The following FAM184B variants were observed in gnomAD, a reference collection of about 807,000 sequenced individuals.
The protein encoded by FAM184B is family with sequence similarity 184 member B.
Under a neutral mutation model 135.9 loss-of-function variants are expected in FAM184B, and 111 were observed. That is an observed-to-expected ratio of 0.82 (90% CI 0.70 to 0.96). The LOEUF is 0.96. Among genes scored for constraint, FAM184B ranks in the 40% least tolerant of loss-of-function variants. FAM184B has a pLI of 0.00. For missense variants in FAM184B, 1,375 were observed against 1,323.9 expected, an observed-to-expected ratio of 1.04 and a Z score of -0.60; for synonymous variants, 552 against 524.8, an observed-to-expected ratio of 1.05 and a Z score of -0.71.
chr4:17,639,281 G>T lies in FAM184B; in HGVS notation c.2635C>A (p.Leu879Ile). The change falls in exon 14 of 18, where the codon CTC (leucine) becomes ATC (isoleucine). Residue 879 changes from leucine to isoleucine, a missense_variant. Physicochemically the swap from Leu to Ile is conservative, Grantham distance 5 (BLOSUM62 2). Transcript: ENST00000265018. Reference sequence around the variant, plus strand: ...TCCAGGGCAGCCAGCCGGGCCTGGAGCTGGGCCTGGGCACTACTGAAATCT... The same window carrying T: ...TCCAGGGCAGCCAGCCGGGCCTGGATCTGGGCCTGGGCACTACTGAAATCT... ...VADFSSAQAQLQARLAALEAE... is the reference protein window; with the variant it reads ...VADFSSAQAQIQARLAALEAE... 2 of 1,551,714 alleles carry T rather than the reference G, an allele frequency of 1.3e-6. No homozygotes were observed. Among genetic ancestry groups the T allele is most frequent in the Non-Finnish European group, 1.7e-6 (2 of 1,147,012 alleles).
chr4:17,647,661 G>A lies in FAM184B; in HGVS notation c.2322C>T (p.Ser774=). Reference sequence around the variant, plus strand: ...CCTCTGTGGCGATTATGTGATCCTTGCTGTCTCCTGGACACTGGCTGCTGG... The same window carrying A: ...CCTCTGTGGCGATTATGTGATCCTTACTGTCTCCTGGACACTGGCTGCTGG... ...QQASSQCPGD[S]KDHIIATEER... Residue 774 remains serine (S), a synonymous_variant, in exon 12 of 18, where the codon AGC becomes AGT. Transcript: ENST00000265018. 6.4e-7 allele frequency: 1 copy of A among 1,550,718 alleles called. No homozygotes were observed. Among genetic ancestry groups the A allele is most frequent in the Non-Finnish European group, 8.7e-7 (1 of 1,146,928 alleles).
intron 11 of FAM184B, among the ~76,000 whole-genome samples, 148 bp downstream of exon 11, chr4:17,652,674 AGAGCCCTG>A (rs1228537975): frequency 1.3e-5 from 2 of 150,764 alleles, no homozygotes; most frequent in South Asian, 2.1e-4. Flanking sequence ...TGTGAATCTG[AGAGCCCTG>A]GAGCCCTGGC....
intron 1 of FAM184B, among the ~76,000 whole-genome samples, chr4:17,742,145 T>C (rs1251712413): frequency 5.8e-4 from 5 of 8,598 alleles, no homozygotes; most frequent in Non-Finnish European, 1.3e-3. Context: ...TGAATATATA[T>C]ATATATATAT....
intron 7 of FAM184B, among the ~76,000 whole-genome samples, chr4:17,668,760 T>C (rs1716109926): frequency 6.6e-6 from 1 of 152,196 alleles, no homozygotes; most frequent in Non-Finnish European, 1.5e-5. Flanking sequence ...GGTCTTGAAC[T>C]CCTGACCTCA....
chr4:17,685,953 A>G (rs780495104), intron 7 of FAM184B, among the ~76,000 whole-genome samples: 23 of 152,290 alleles, frequency 1.5e-4, no homozygotes, highest in Admixed American at 6.5e-4. Context: ...TTATTTCCCT[A>G]AAACACAGCC....
At position 17,709,624 on chromosome 4, in the gene FAM184B, G is replaced by C; in HGVS notation, c.162C>G (p.Thr54=). 5.3e-6 allele frequency: 8 copies of C among 1,517,734 alleles called. No homozygotes were observed. The highest frequency in any genetic ancestry group is 6.2e-6 in the Non-Finnish European group (7 of 1,133,974). The allele number at this position is 1,517,734 out of a possible 1,614,324, so 94.0% of individuals were successfully genotyped here. The change falls in exon 2 of 18, where the codon ACC becomes ACG. Residue 54 remains threonine (T), a synonymous_variant. Transcript: ENST00000265018. ...QLTKVIYALN[T]RQDEAEASME... ...TGCTGGCCTCAGCCTCATCCTGGCG[G>C]GTGTTCAGGGCATAAATCACCTGCA...
At chr4:17,640,980 C>CTGAA (rs145055494) in intron 13 of FAM184B, among the ~76,000 whole-genome samples, 2,463 of 152,278 alleles carry the variant, frequency 0.016, 79 homozygotes, top group African/African-American at 0.056. Context: ...GCCGCCCAGG[C>CTGAA]TGAAGTGCAG....
intron 6 of FAM184B, 139 bp from the exon 7 acceptor site, chr4:17,688,670 C>A: frequency 3.5e-5 from 9 of 254,406 alleles, no homozygotes; most frequent in East Asian, 1.9e-4. Flanking sequence ...ACACACACTT[C>A]TAGAAATGCC....
intron 7 of FAM184B, among the ~76,000 whole-genome samples, chr4:17,675,582 GACTTTT>G (rs1309253581): frequency 9.2e-5 from 14 of 152,302 alleles, no homozygotes; most frequent in African/African-American, 3.4e-4. Flanking sequence ...GCCAGGCATT[GACTTTT>G]ACTCTCTAGC....
intron 1 of FAM184B, among the ~76,000 whole-genome samples, chr4:17,740,548 C>CTGT (rs1718010925): frequency 6.6e-6 from 1 of 152,110 alleles, no homozygotes; most frequent in African/African-American, 2.4e-5. Context: ...AGTTGAGCCA[C>CTGT]TGTTTATACT....
chr4:17,756,347 T>G (rs947215518), intron 1 of FAM184B, among the ~76,000 whole-genome samples: 1 of 152,118 alleles, frequency 6.6e-6, no homozygotes, highest in African/African-American at 2.4e-5. Context: ...ATTAGTCAAT[T>G]TGAACATCAA....
chr4:17,721,754 C>T (rs1395169153), intron 1 of FAM184B, among the ~76,000 whole-genome samples: 1 of 152,140 alleles, frequency 6.6e-6, no homozygotes, highest in Non-Finnish European at 1.5e-5. Flanking sequence ...ACTCCCAGGC[C>T]CTGCCCCAGA....
intron 1 of FAM184B, among the ~76,000 whole-genome samples, chr4:17,728,238 T>C (rs1717688053): frequency 6.6e-6 from 1 of 152,076 alleles, no homozygotes; most frequent in African/African-American, 2.4e-5. Context: ...AGGGCCAACA[T>C]TGCATATCCA....
intron 1 of FAM184B, among the ~76,000 whole-genome samples, chr4:17,726,546 AT>A (rs1717642274): frequency 6.6e-6 from 1 of 151,770 alleles, no homozygotes; most frequent in Non-Finnish European, 1.5e-5. Context: ...TAATTTTTGT[AT>A]TTTTAGTAGA....
chr4:17,658,118 G>C lies in FAM184B; in HGVS notation c.2037+232C>G, dbSNP rs75412492. 8.9e-3 allele frequency among the ~76,000 whole-genome samples: 1,359 copies of C among 152,298 alleles called. 24 individuals are homozygous for C. The highest frequency in any genetic ancestry group is 0.032 in the African/African-American group (1,313 of 41,566). ...CAGGTGGGGAAACGTAGCACAAGAA[G>C]CCCAGCAGACCTAGCCCGCTTCCTT... On this transcript the variant is annotated intron_variant, in intron 10 of 17. Coordinates refer to ENST00000265018, the MANE Select transcript of FAM184B (RefSeq NM_015688.2).
At chr4:17,650,075 TCTGTCCATCCATCCATCCATCCTTCCTC>T (rs1715573297) in intron 11 of FAM184B, among the ~76,000 whole-genome samples, 2 of 122,684 alleles carry the variant, frequency 1.6e-5, no homozygotes, top group South Asian at 2.8e-4. Flanking sequence ...CATTTGTCTG[TCTGTCCATCCATCCATCCATCCTTCCTC>T]CTGTCCATCC....
At chr4:17,761,999 A>T (rs1365707802) in intron 1 of FAM184B, among the ~76,000 whole-genome samples, 1 of 151,254 alleles carries the variant, frequency 6.6e-6, no homozygotes, top group Non-Finnish European at 1.5e-5. Context: ...TTTATGGGCT[A>T]GCAATCCCCA....
In FAM184B at chr4:17,632,253, T is replaced by G; in HGVS notation, c.*279A>C. ...CCATGCCTGGCTAATTTTTGTATATTTTGTAGAGATGGGGTTTCACCATAT... is the reference window on the plus strand; with the variant it reads ...CCATGCCTGGCTAATTTTTGTATATGTTGTAGAGATGGGGTTTCACCATAT... On this transcript the variant is annotated 3_prime_UTR_variant, in exon 18 of 18. Coordinates refer to ENST00000265018, the MANE Select transcript of FAM184B (RefSeq NM_015688.2). The G allele has an allele frequency of 4.9e-6, 1 of 205,338 alleles. No homozygotes were observed. Among genetic ancestry groups the G allele is most frequent in the Non-Finnish European group, 1.0e-5 (1 of 99,774 alleles). The allele number at this position is 205,338 out of a possible 1,614,324, so 12.7% of individuals were successfully genotyped here. A position where few individuals can be genotyped will look rare whatever the true frequency, so the allele number is the denominator to read the frequency against.
At chr4:17,734,129 T>A (rs1239485811) in intron 1 of FAM184B, among the ~76,000 whole-genome samples, 1 of 152,226 alleles carries the variant, frequency 6.6e-6, no homozygotes, top group African/African-American at 2.4e-5. Flanking sequence ...GCTGGCCACA[T>A]GTAGAAAGCT....
Sources: allele counts gnomAD v4.1 joint callset (sites outside exome capture counted in the v4.1 genomes callset), GRCh38; gene constraint gnomAD v4.1.1; transcripts MANE v1.5; gene names NCBI Gene and HGNC (gene_info 2026-07-23, HGNC 2026-07-21).